The following ALS2 variants were observed in gnomAD, a reference collection of about 807,000 sequenced individuals.
ALS2 encodes alsin.
In ALS2, 117 loss-of-function variants were observed where a neutral mutation model predicts 203.4. The ratio of observed to expected loss-of-function variants is 0.58; its 90% CI spans 0.50 to 0.67. The LOEUF (loss-of-function observed/expected upper bound fraction) is 0.67, where lower values mean the gene tolerates loss of function less well. ALS2 is among the 30% of genes least tolerant of loss of function. The pLI, the probability that ALS2 is intolerant of heterozygous loss-of-function variation, is 0.00. For synonymous variants in ALS2, 718 were observed against 725.9 expected (o/e 0.99, Z 0.17); for missense variants, 1,715 against 1,989.4 (o/e 0.86, Z 2.62).
At chr2:201,764,068 T>C (rs548614597) in intron 3 of ALS2, among the ~76,000 whole-genome samples, 22 of 152,330 alleles carry the variant, frequency 1.4e-4, no homozygotes, top group African/African-American at 5.3e-4. Context: ...CATCACATCA[T>C]CTATATAAGT....
chr2:201,738,517 C>G, intron 12 of ALS2, 153 bp downstream of exon 12: 2 of 721,968 alleles, frequency 2.8e-6, no homozygotes, highest in Non-Finnish European at 4.9e-6. Flanking sequence ...GCTAATAGTA[C>G]CTGTCCTTTA....
chr2:201,773,125 G>T (rs1694486262), intron 1 of ALS2, among the ~76,000 whole-genome samples: 1 of 152,144 alleles, frequency 6.6e-6, no homozygotes, highest in African/African-American at 2.4e-5. Context: ...CTCCCAAAGT[G>T]CTGGGATTAC....
chr2:201,746,416 G>A, intron 9 of ALS2, 150 bp downstream of exon 9: 3 of 837,280 alleles, frequency 3.6e-6, no homozygotes. Flanking sequence ...AGAAGATAAG[G>A]AGTGAAGGGG....
intron 2 of ALS2, 86 bp from the exon 3 acceptor site, chr2:201,767,469 T>C: frequency 6.8e-7 from 1 of 1,463,354 alleles, no homozygotes; most frequent in Non-Finnish European, 9.4e-7. Flanking sequence ...ATTGTACCTT[T>C]TACCAGCACA....
At chr2:201,767,725 G>A (rs1267895617) in intron 2 of ALS2, among the ~76,000 whole-genome samples, 10 of 151,150 alleles carry the variant, frequency 6.6e-5, no homozygotes, top group South Asian at 2.1e-4. Context: ...AAAATCAGCC[G>A]GGCATGGTGG....
At chr2:201,732,776 T>C (rs958963190) in intron 13 of ALS2, among the ~76,000 whole-genome samples, 2 of 152,230 alleles carry the variant, frequency 1.3e-5, no homozygotes, top group African/African-American at 4.8e-5. Flanking sequence ...ACTAGTTTTA[T>C]GTAAGGGTGG....
At position 201,722,965 on chromosome 2, in the gene ALS2, A is replaced by T. The variant is rs951285428; in HGVS notation, c.3702+78T>A. On this transcript the variant is annotated intron_variant, in intron 23 of 33. Transcript: ENST00000264276. ...AAAGGGGTGAATTTTATGGCATGTAAATCAGCTATTTTTAAAGTAAAAAAA... is the reference window on the plus strand; with the variant it reads ...AAAGGGGTGAATTTTATGGCATGTATATCAGCTATTTTTAAAGTAAAAAAA... 3.1e-5 allele frequency: 37 copies of T among 1,188,424 alleles called. No individual in the cohort carries two copies. The South Asian group carries it at 4.3e-4, about 14-fold the overall frequency. 73.6% of individuals were successfully genotyped at this position (1,188,424 alleles called of 1,614,324 possible).
chr2:201,735,778 C>T (rs1691839826), intron 12 of ALS2, among the ~76,000 whole-genome samples: 1 of 152,182 alleles, frequency 6.6e-6, no homozygotes, highest in African/African-American at 2.4e-5. Flanking sequence ...AGGTCAACAA[C>T]AGCAGAATAA....
chr2:201,702,004 C>T (rs1431979642), intron 33 of ALS2, 115 bp from the exon 34 acceptor site: 4 of 911,242 alleles, frequency 4.4e-6, no homozygotes, highest in Non-Finnish European at 7.1e-6. Context: ...CAGCTGATGG[C>T]CCAACAGATT....
chr2:201,714,931 C>T (rs1690272820), intron 25 of ALS2, among the ~76,000 whole-genome samples: 3 of 152,212 alleles, frequency 2.0e-5, no homozygotes, highest in Admixed American at 2.0e-4. Context: ...GGTTCGCAGG[C>T]ACCCCTTTTT....
intron 7 of ALS2, among the ~76,000 whole-genome samples, chr2:201,751,418 T>C (rs1693045754): frequency 6.6e-6 from 1 of 152,200 alleles, no homozygotes; most frequent in African/African-American, 2.4e-5. Flanking sequence ...AACACTGTAC[T>C]GTTGTTTTTT....
At chr2:201,737,101 C>T (rs1691918577) in intron 12 of ALS2, among the ~76,000 whole-genome samples, 1 of 152,116 alleles carries the variant, frequency 6.6e-6, no homozygotes, top group Non-Finnish European at 1.5e-5. Context: ...CAACCTCAGA[C>T]CAAAAATATT....
intron 33 of ALS2, among the ~76,000 whole-genome samples, chr2:201,702,682 C>T (rs6741237): frequency 0.89 from 136,157 of 152,268 alleles, 61,083 homozygotes; most frequent in East Asian, 0.98. Context: ...TATTTTTCTA[C>T]ATGTAAACTT....
intron 3 of ALS2, among the ~76,000 whole-genome samples, chr2:201,764,354 G>A (rs1203756503): frequency 1.3e-5 from 2 of 152,124 alleles, no homozygotes; most frequent in Non-Finnish European, 2.9e-5. Flanking sequence ...GAAACAGGCT[G>A]GGTGCAGTGG....
At position 201,753,133 on chromosome 2, in the gene ALS2, G is replaced by A; in HGVS notation, c.1737+13C>T. Reference sequence around the variant, plus strand: ...TGAAAATAAGGTAAAGCATTTAATAGTTTGCCTCCTACCTGGGATTTCGCA... The same window carrying A: ...TGAAAATAAGGTAAAGCATTTAATAATTTGCCTCCTACCTGGGATTTCGCA... On this transcript the variant is annotated intron_variant, in intron 7 of 33. Coordinates refer to ENST00000264276, the MANE Select transcript of ALS2 (RefSeq NM_020919.4). 6.2e-7 allele frequency: 1 copy of A among 1,606,112 alleles called. No homozygotes were observed. Among genetic ancestry groups the A allele is most frequent in the East Asian group, 2.2e-5 (1 of 44,830 alleles).
At chr2:201,709,419 G>C (rs1689903089) in intron 27 of ALS2, among the ~76,000 whole-genome samples, 1 of 152,124 alleles carries the variant, frequency 6.6e-6, no homozygotes, top group African/African-American at 2.4e-5. Flanking sequence ...AATCCCTTGA[G>C]AGCCTAGAAT....
chr2:201,701,615 G>T lies in ALS2; in HGVS notation c.*236C>A. Reference sequence around the variant, plus strand: ...AATGGTATTTTTGGAACTTATCATAGGCCAAGAACTGGTCTAATCTGATTT... The same window carrying T: ...AATGGTATTTTTGGAACTTATCATATGCCAAGAACTGGTCTAATCTGATTT... On this transcript the variant is annotated 3_prime_UTR_variant, in exon 34 of 34. Transcript: ENST00000264276. 2.1e-6 allele frequency: 1 copy of T among 476,652 alleles called. No individual in the cohort carries two copies. The highest frequency in any genetic ancestry group is 3.8e-6 in the Non-Finnish European group (1 of 265,848). 29.5% of individuals were successfully genotyped at this position (476,652 alleles called of 1,614,324 possible).
rs765296378 is a variant in ALS2, at chr2:201,728,619, G to A, written c.2734C>T (p.Arg912Cys). ...KMTDSLRKPE[R>C]RLLCESSNRA... ...TTACTACTCTCACACAGCAGTCGAC[G>A]CTCTGGCTTCCTCAAGGAATCCTGG... The change falls in exon 15 of 34, where the codon CGT becomes TGT. Residue 912 changes from arginine to cysteine, a missense_variant. Arg to Cys is a radical substitution (Grantham distance 180, BLOSUM62 -3). Transcript: ENST00000264276. 5.0e-6 allele frequency: 8 copies of A among 1,614,080 alleles called. No individual in the cohort carries two copies. Among genetic ancestry groups the A allele is most frequent in the Non-Finnish European group, 5.9e-6 (7 of 1,179,986 alleles).
intron 31 of ALS2, among the ~76,000 whole-genome samples, chr2:201,704,888 C>T (rs147477005): frequency 6.6e-6 from 1 of 152,194 alleles, no homozygotes; most frequent in East Asian, 1.9e-4. Flanking sequence ...TTCCAATTGG[C>T]TAAAGATGTG....
Sources: allele counts gnomAD v4.1 joint callset (sites outside exome capture counted in the v4.1 genomes callset), GRCh38; gene constraint gnomAD v4.1.1; transcripts MANE v1.5; gene names NCBI Gene and HGNC (gene_info 2026-07-23, HGNC 2026-07-21).